The following GPNMB variants were observed in gnomAD, a reference collection of about 807,000 sequenced individuals.
GPNMB encodes the protein glycoprotein nmb.
In GPNMB, 71 loss-of-function variants were observed where a neutral mutation model predicts 57.3. That is an observed-to-expected ratio of 1.24 (90% CI 1.02 to 1.51). The LOEUF is 1.51. GPNMB is among the 40% of genes most tolerant of loss of function. GPNMB has a pLI of 0.00. For missense variants in GPNMB, 677 were observed against 691.9 expected (o/e 0.98, Z 0.24); for synonymous variants, 253 against 263.2 (o/e 0.96, Z 0.38).
chr7:23,253,489 GC>G, intron 2 of GPNMB, 30 bp downstream of exon 2: 1 of 1,588,522 alleles, frequency 6.3e-7, no homozygotes, highest in South Asian at 1.1e-5. Context: ...CCAAACACCT[GC>G]AATTTCCTAC....
chr7:23,256,811 AAG>A lies in GPNMB; in HGVS notation c.368-80_368-79del. On this transcript the variant is annotated intron_variant, in intron 3 of 10. Coordinates refer to ENST00000258733, the MANE Select transcript of GPNMB (RefSeq NM_002510.3). Reference sequence around the variant, plus strand: ...AACTAGTTATGAAAAAAATACGAAAAAGTGTTTAATTCAGTGATGCATGCACA... The same window carrying A: ...AACTAGTTATGAAAAAAATACGAAAATGTTTAATTCAGTGATGCATGCACA... 4 of 1,141,264 alleles carry A rather than the reference AAG, an allele frequency of 3.5e-6. No homozygotes were observed. The South Asian group carries it at 5.5e-5, about 16-fold the overall frequency. 70.7% of individuals were successfully genotyped at this position (1,141,264 alleles called of 1,614,324 possible).
rs937326394 is a variant in GPNMB at position 23,246,800 on chromosome 7, A to T, written c.-58A>T. The T allele has an allele frequency of 3.2e-6, 4 of 1,251,104 alleles. No individual in the cohort carries two copies. Among genetic ancestry groups the T allele is most frequent in the Non-Finnish European group, 4.7e-6 (4 of 849,234 alleles). The allele number at this position is 1,251,104 out of a possible 1,614,324, so 77.5% of individuals were successfully genotyped here. A position where few individuals can be genotyped will look rare whatever the true frequency, so the allele number is the denominator to read the frequency against. ...AGAAGAACACTGTTGCTCTTGGTGG[A>T]CGGGCCCAGAGGAATTCAGAGTTAA... is the stretch of plus-strand genomic sequence containing the variant. On this transcript the variant is annotated 5_prime_UTR_variant, in exon 1 of 11. Transcript: ENST00000258733.
chr7:23,249,296 G>C (rs1782608795), intron 1 of GPNMB, among the ~76,000 whole-genome samples: 1 of 152,178 alleles, frequency 6.6e-6, no homozygotes, highest in South Asian at 2.1e-4. Context: ...AATACAGAGA[G>C]ATCCCCATGC....
chr7:23,254,311 T>C lies in GPNMB; in HGVS notation c.366T>C (p.Asn122=). ...TAGTCTATGAGAAGAACTGCAGAAA[T>C]GGTAAGAACACAGTATTCTCCTAAA... ...GNIVYEKNCR[N]EAGLSADPYV... is the part of the protein sequence containing the mutation. The change falls in exon 3 of 11, where the codon AAT becomes AAC. Residue 122 remains asparagine (N), a splice_region_variant and synonymous_variant. Coordinates refer to ENST00000258733, the MANE Select transcript of GPNMB (RefSeq NM_002510.3). The C allele has an allele frequency of 1.2e-6, 2 of 1,612,230 alleles. No individual in the cohort carries two copies. The highest frequency in any genetic ancestry group is 1.3e-5 in the African/African-American group (1 of 74,994).
intron 8 of GPNMB, among the ~76,000 whole-genome samples, chr7:23,269,373 CA>C (rs1783143850): frequency 6.6e-6 from 1 of 151,948 alleles, no homozygotes; most frequent in South Asian, 2.1e-4. Flanking sequence ...GCAACAAGAG[CA>C]AAACTCTGTC....
At position 23,253,353 on chromosome 7, in the gene GPNMB, G is replaced by A. The variant is rs1256729327; in HGVS notation, c.117G>A (p.Arg39=). The A allele has an allele frequency of 1.2e-6, 2 of 1,613,602 alleles. No individual in the cohort carries two copies. Among genetic ancestry groups the A allele is most frequent in the Non-Finnish European group, 1.7e-6 (2 of 1,179,570 alleles). The part of the protein sequence containing the change: ...LGNERPSAYM[R]EHNQLNGWSS... ...ATGAAAGACCTTCTGCTTACATGAG[G>A]GAGCACAATCAATTAAATGGCTGGT... The change falls in exon 2 of 11, where the codon AGG becomes AGA. Residue 39 remains arginine, a synonymous_variant. Coordinates refer to ENST00000258733, the MANE Select transcript of GPNMB (RefSeq NM_002510.3).
chr7:23,255,353 A>G (rs912098435), intron 3 of GPNMB, among the ~76,000 whole-genome samples: 2 of 152,190 alleles, frequency 1.3e-5, no homozygotes, highest in African/African-American at 4.8e-5. Context: ...ATTGCACTTA[A>G]CATCATGGCC....
At position 23,274,146 on chromosome 7, in the gene GPNMB, T is replaced by C. The variant is rs765473586; in HGVS notation, c.1605T>C (p.Arg535=). The C allele has an allele frequency of 1.2e-6, 2 of 1,613,804 alleles. No homozygotes were observed. The highest frequency in any genetic ancestry group is 1.1e-5 in the South Asian group (1 of 91,074). Residue 535 remains arginine (R), a synonymous_variant, in exon 11 of 11, where the codon CGT becomes CGC. Coordinates refer to ENST00000258733, the MANE Select transcript of GPNMB (RefSeq NM_002510.3). ...AAGGCCTGAGTGTCTTTCTCAACCG[T>C]GCAAAAGCCGTGTTCTTCCCGGGAA... is the stretch of plus-strand genomic sequence containing the variant. ...RSKGLSVFLN[R]AKAVFFPGNQ...
Position 23,273,525 on chromosome 7 carries a change from A to G in GPNMB, c.1434A>G (p.Pro478=). 1 of 1,610,992 alleles carries G rather than the reference A, an allele frequency of 6.2e-7. No homozygotes were observed. The highest frequency in any genetic ancestry group is 8.5e-7 in the Non-Finnish European group (1 of 1,177,174). Residue 478 remains proline (P), a synonymous_variant, in exon 10 of 11, where the codon CCA becomes CCG. Coordinates refer to ENST00000258733, the MANE Select transcript of GPNMB (RefSeq NM_002510.3). ...STLISVPDRD[P]ASPLRMANSA... The stretch of plus-strand genomic sequence containing the variant: ...TGCTCTTGCTTCTGTTTTAAGACCC[A>G]GCCTCGCCTTTAAGGATGGCAAACA...
At chr7:23,264,941 C>A (rs934211192) in intron 6 of GPNMB, among the ~76,000 whole-genome samples, 1 of 152,154 alleles carries the variant, frequency 6.6e-6, no homozygotes, top group Non-Finnish European at 1.5e-5. Context: ...CACAAACAAT[C>A]CTATTGCTGT....
chr7:23,256,384 T>TA (rs528105915), intron 3 of GPNMB, among the ~76,000 whole-genome samples: 220 of 152,312 alleles, frequency 1.4e-3, no homozygotes, highest in African/African-American at 4.8e-3. Context: ...AGAGGGATTT[T>TA]AAAAATCATT....
chr7:23,260,255 A>C, intron 5 of GPNMB, 117 bp downstream of exon 5: 1 of 1,114,854 alleles, frequency 9.0e-7, no homozygotes, highest in South Asian at 1.5e-5. Context: ...TGGCCCACCT[A>C]AGCTTGTGTA....
At chr7:23,253,714 G>T (rs1227558716) in intron 2 of GPNMB, among the ~76,000 whole-genome samples, 1 of 152,144 alleles carries the variant, frequency 6.6e-6, no homozygotes, top group Non-Finnish European at 1.5e-5. Flanking sequence ...AGCAGATTTA[G>T]CTTTAAACCT....
In GPNMB at chr7:23,266,381, A is replaced by T. The variant is rs1010102645; in HGVS notation, c.1019-136A>T. The T allele has an allele frequency of 1.4e-5, 11 of 763,360 alleles. No individual in the cohort carries two copies. In the African/African-American group the frequency reaches 1.6e-4, roughly 11 times the overall value. The allele number at this position is 763,360 out of a possible 1,614,324, so 47.3% of individuals were successfully genotyped here. On this transcript the variant is annotated intron_variant, in intron 6 of 10. Transcript: ENST00000258733. ...TATGACACATTTAGTTCAAATTTCT[A>T]TAGCAATTTCATAGTATAGTGTTCC...
In GPNMB at chr7:23,273,619, G is replaced by A. The variant is rs368070458; in HGVS notation, c.1523+5G>A. On this transcript the variant is annotated splice_donor_5th_base_variant and intron_variant, in intron 10 of 10. Transcript: ENST00000258733. The stretch of plus-strand genomic sequence containing the variant: ...GATCTCCCTCTTGGTGTACAAGTAA[G>A]TTTTTGGTTCCTACGCTTTATATCA... 5 of 1,574,258 alleles carry A rather than the reference G, an allele frequency of 3.2e-6. No individual in the cohort carries two copies. The highest frequency in any genetic ancestry group is 4.4e-6 in the Non-Finnish European group (5 of 1,143,716).
In GPNMB at chr7:23,253,468, A is replaced by G. The variant is rs574453231; in HGVS notation, c.223+9A>G. 2 of 1,611,700 alleles carry G rather than the reference A, an allele frequency of 1.2e-6. No individual in the cohort carries two copies. Among genetic ancestry groups the G allele is most frequent in the East Asian group, 2.2e-5 (1 of 44,860 alleles). On this transcript the variant is annotated intron_variant, in intron 2 of 10. Transcript: ENST00000258733. ...GAAAAACTCCTGGAAGGGTAAGTCA[A>G]AAGATTCAAACCAAACACCTGCAAT...
intron 1 of GPNMB, chr7:23,247,167 A>C: frequency 3.8e-6 from 2 of 529,464 alleles, no homozygotes; most frequent in Non-Finnish European, 6.8e-6. Context: ...TTCTCTTGTG[A>C]AGCTTCTTTT....
At chr7:23,269,159 G>A (rs186385232) in intron 8 of GPNMB, among the ~76,000 whole-genome samples, 61 of 152,310 alleles carry the variant, frequency 4.0e-4, no homozygotes, top group Non-Finnish European at 4.6e-4. Flanking sequence ...GGCTGAGGCG[G>A]TTGATCACCT....
intron 6 of GPNMB, among the ~76,000 whole-genome samples, chr7:23,261,965 G>C (rs558196098): frequency 6.6e-6 from 1 of 152,072 alleles, no homozygotes; most frequent in East Asian, 1.9e-4. Context: ...TTTTCCCACT[G>C]GGCCAGTTGC....
Sources: allele counts gnomAD v4.1 joint callset (sites outside exome capture counted in the v4.1 genomes callset), GRCh38; gene constraint gnomAD v4.1.1; transcripts MANE v1.5; gene names NCBI Gene and HGNC (gene_info 2026-07-23, HGNC 2026-07-21).